HDGF: variants seen among roughly 807,000 people sequenced by gnomAD.
HDGF encodes heparin binding growth factor, also known as hepatoma-derived growth factor.
Under a neutral mutation model 30.0 loss-of-function variants are expected in HDGF, and 5 were observed. The ratio of observed to expected loss-of-function variants is 0.17; its 90% CI spans 0.09 to 0.35. HDGF has a LOEUF of 0.35. Ranked by LOEUF, HDGF falls within the 10% of genes least tolerant of loss-of-function variation. The probability of loss-of-function intolerance (pLI) is 1.00; values close to 1 mark genes in which losing one functional copy is unlikely to be tolerated. For synonymous variants in HDGF, 133 were observed against 112.7 expected, an observed-to-expected ratio of 1.18 and a Z score of -1.14; for missense variants, 214 against 302.8, an observed-to-expected ratio of 0.71 and a Z score of 2.18.
At chr1:156,750,507 A>C (rs1178408530) in intron 1 of HDGF, 4 of 152,440 alleles carry the variant, frequency 2.6e-5, no homozygotes, top group African/African-American at 9.7e-5. Flanking sequence ...TGGCTGAATT[A>C]ACCACATGGC....
upstream of HDGF, chr1:156,752,057 T>A: frequency 6.4e-7 from 1 of 1,551,390 alleles, no homozygotes; most frequent in Non-Finnish European, 8.7e-7. Flanking sequence ...CCCAGCGCAG[T>A]TAAGTGTGGA....
intron 1 of HDGF, among the ~76,000 whole-genome samples, chr1:156,764,722 T>TAA (rs1651320947): frequency 2.0e-5 from 3 of 151,686 alleles, no homozygotes; most frequent in Admixed American, 1.3e-4. Flanking sequence ...CCGTCTCTAC[T>TAA]AAAAAATACA....
At position 156,743,343 on chromosome 1, in the gene HDGF, T is replaced by C; in HGVS notation, c.*106A>G. ...AAAGTGAGTAGAAGAGGAGAGCAGG[T>C]TGGGGTGGGAAAGGGGTTCCCAGTT... On this transcript the variant is annotated 3_prime_UTR_variant, in exon 6 of 6. Coordinates refer to ENST00000357325, the MANE Select transcript of HDGF (RefSeq NM_004494.3). The C allele has an allele frequency of 2.6e-6, 3 of 1,169,610 alleles. No homozygotes were observed. Among genetic ancestry groups the C allele is most frequent in the South Asian group, 3.0e-5 (2 of 66,318 alleles). 72.5% of individuals were successfully genotyped at this position (1,169,610 alleles called of 1,614,324 possible). A position where few individuals can be genotyped will look rare whatever the true frequency, so the allele number is the denominator to read the frequency against.
chr1:156,765,828 C>T (rs1201585739), intron 1 of HDGF, among the ~76,000 whole-genome samples: 2 of 152,140 alleles, frequency 1.3e-5, no homozygotes. Context: ...GAAGTGACCG[C>T]ACAGTCACCA....
chr1:156,751,978 G>T (rs1471433295), upstream of HDGF: 7 of 1,483,058 alleles, frequency 4.7e-6, no homozygotes, highest in African/African-American at 1.4e-5. This position sits in a 1 kb window ranked among gnomAD's most constrained non-coding sequence, Gnocchi z 4.7. Flanking sequence ...CCCGGGAGGA[G>T]CTGGCGCCCG....
chr1:156,749,624 G>A (rs1409194343), intron 1 of HDGF, among the ~76,000 whole-genome samples: 2 of 152,164 alleles, frequency 1.3e-5, no homozygotes, highest in Non-Finnish European at 2.9e-5. Context: ...GCCCAAAGTG[G>A]AGAGAAAATG....
chr1:156,754,526 A>G (rs1651124048), upstream of HDGF, among the ~76,000 whole-genome samples: 1 of 152,244 alleles, frequency 6.6e-6, no homozygotes, highest in Non-Finnish European at 1.5e-5. Flanking sequence ...AACTAAGCCA[A>G]GAGCTGCAGA....
In HDGF at chr1:156,744,328, A is replaced by G. The variant is rs1279050469; in HGVS notation, c.324T>C (p.Cys108=). 6.2e-7 allele frequency: 1 copy of G among 1,613,736 alleles called. No homozygotes were observed. Among genetic ancestry groups the G allele is most frequent in the Non-Finnish European group, 8.5e-7 (1 of 1,179,940 alleles). Residue 108 remains cysteine (C), a synonymous_variant, in exon 4 of 6, where the codon TGT becomes TGC. Coordinates refer to ENST00000357325, the MANE Select transcript of HDGF (RefSeq NM_004494.3). ...SGYQSSQKKS[C]VEEPEPEPEA... ...CGGGCTCTGGTTCAGGCTCTTCCAC[A>G]CAGCTCTTTTTCTGGGAGGACTGCA...
Position 156,751,236 on chromosome 1 carries a change from C to T in HDGF, c.87+107G>A. ...GAGAAAGAGCCGGAGACCTACAAGC[C>T]CCCTGCCCCCACCTCTGCCCGCTCC... On this transcript the variant is annotated intron_variant, in intron 1 of 5. Transcript: ENST00000357325. The surrounding 1 kb of genome is among the most constrained non-coding windows in gnomAD (Gnocchi z 4.7). 1 of 1,351,076 alleles carries T rather than the reference C, an allele frequency of 7.4e-7. No individual in the cohort carries two copies. The highest frequency in any genetic ancestry group is 9.7e-7 in the Non-Finnish European group (1 of 1,029,524). 83.7% of individuals were successfully genotyped at this position (1,351,076 alleles called of 1,614,324 possible). A position where few individuals can be genotyped will look rare whatever the true frequency, so the allele number is the denominator to read the frequency against.
chr1:156,753,026 GT>G (rs1651066782), upstream of HDGF, among the ~76,000 whole-genome samples: 5 of 152,290 alleles, frequency 3.3e-5, no homozygotes, highest in South Asian at 1.0e-3. Context: ...CTAAGCCTCA[GT>G]TTCCTCTGCT....
chr1:156,744,518 C>T (rs763036568), intron 3 of HDGF, 170 bp from the exon 4 acceptor site: 16 of 1,571,284 alleles, frequency 1.0e-5, no homozygotes, highest in African/African-American at 5.4e-5. Flanking sequence ...GGATTAGCCC[C>T]GGGGTAAACC....
In HDGF at chr1:156,742,549, T is replaced by C. The variant is rs548570568; in HGVS notation, c.*900A>G. On this transcript the variant is annotated 3_prime_UTR_variant, in exon 6 of 6. Coordinates refer to ENST00000357325, the MANE Select transcript of HDGF (RefSeq NM_004494.3). ...AATTTTTTTTTGTAATTTTCTTTTA[T>C]TAAAAACATTTCCTAAAAAATGTGT... The C allele has an allele frequency of 6.5e-6, 1 of 152,836 alleles. No homozygotes were observed. Among genetic ancestry groups the C allele is most frequent in the Non-Finnish European group, 1.5e-5 (1 of 68,210 alleles). 9.5% of individuals were successfully genotyped at this position (152,836 alleles called of 1,614,324 possible). A position where few individuals can be genotyped will look rare whatever the true frequency, so the allele number is the denominator to read the frequency against.
At chr1:156,744,550 T>C in intron 3 of HDGF, 2 of 1,538,056 alleles carry the variant, frequency 1.3e-6, no homozygotes, top group Non-Finnish European at 1.7e-6. Flanking sequence ...CAGGCAGGGC[T>C]CTGTGCAGGA....
At chr1:156,755,825 A>G (rs1476059757), upstream of HDGF, among the ~76,000 whole-genome samples, 2 of 152,200 alleles carry the variant, frequency 1.3e-5, no homozygotes, top group South Asian at 2.1e-4. Flanking sequence ...GGCTGTAGAG[A>G]TAACAGTCTG....
intron 3 of HDGF, 118 bp downstream of exon 3, chr1:156,744,890 T>A: frequency 8.1e-7 from 1 of 1,229,584 alleles, no homozygotes; most frequent in Non-Finnish European, 1.2e-6. Context: ...CCTGATTAGC[T>A]CCTACCCTGA....
chr1:156,753,547 T>C (rs1269289189), upstream of HDGF, among the ~76,000 whole-genome samples: 1 of 152,214 alleles, frequency 6.6e-6, no homozygotes, highest in African/African-American at 2.4e-5. Flanking sequence ...ATCTAGGTCA[T>C]ATTTTATTCT....
At chr1:156,758,582 G>A in intron 2 of HDGF, among the ~76,000 whole-genome samples, 1 of 26,244 alleles carries the variant, frequency 3.8e-5, no homozygotes, top group African/African-American at 8.1e-5. Flanking sequence ...GACAGAGCGA[G>A]ACTCCGTCTC....
chr1:156,745,484 A>G, intron 1 of HDGF, 111 bp from the exon 2 acceptor site: 1 of 850,286 alleles, frequency 1.2e-6, no homozygotes. Flanking sequence ...AGAGGGACCC[A>G]GGATAGTCAG....
At chr1:156,763,588 C>CT (rs1263248247) in intron 1 of HDGF, among the ~76,000 whole-genome samples, 8,356 of 137,164 alleles carry the variant, frequency 0.061, 839 homozygotes, top group African/African-American at 0.2. Context: ...TTACAAATTT[C>CT]TTTTTTTTTT....
Sources: allele counts gnomAD v4.1 joint callset (sites outside exome capture counted in the v4.1 genomes callset), GRCh38; gene constraint gnomAD v4.1.1; non-coding constraint Gnocchi (gnomAD v3.1); transcripts MANE v1.5; gene names NCBI Gene and HGNC (gene_info 2026-07-23, HGNC 2026-07-21).